The following INPP5D variants were observed in gnomAD, a reference collection of about 807,000 sequenced individuals.
INPP5D encodes the protein inositol polyphosphate-5-phosphatase D.
Under a neutral mutation model 122.9 loss-of-function variants are expected in INPP5D, and 33 were observed. The observed-to-expected ratio is 0.27, with a 90% CI of 0.20 to 0.36. INPP5D has a LOEUF of 0.36. INPP5D is among the 10% of genes least tolerant of loss of function. The pLI is 1.00. For synonymous variants in INPP5D, 584 were observed against 576.2 expected (o/e 1.01, Z -0.19); for missense variants, 1,053 against 1,412.7 (o/e 0.75, Z 4.08).
At chr2:233,114,597 C>A (rs1174299859) in intron 2 of INPP5D, among the ~76,000 whole-genome samples, 1 of 152,182 alleles carries the variant, frequency 6.6e-6, no homozygotes, top group African/African-American at 2.4e-5. Flanking sequence ...CCTCACTCAG[C>A]CTTGGGACGT....
At chr2:233,166,707 G>A (rs191211086) in intron 13 of INPP5D, among the ~76,000 whole-genome samples, 51 of 152,356 alleles carry the variant, frequency 3.3e-4, no homozygotes, top group East Asian at 3.1e-3. Flanking sequence ...AATGCTGGTC[G>A]GTGTGGTAGG....
chr2:233,129,691 T>C (rs1187557882), intron 4 of INPP5D, among the ~76,000 whole-genome samples: 1 of 152,198 alleles, frequency 6.6e-6, no homozygotes, highest in East Asian at 1.9e-4. Context: ...CCACAGAGCC[T>C]GAGATGAATC....
chr2:233,089,527 A>G (rs759429314), intron 2 of INPP5D, among the ~76,000 whole-genome samples: 3 of 152,152 alleles, frequency 2.0e-5, no homozygotes, highest in Non-Finnish European at 2.9e-5. Context: ...TGTTTCTCCA[A>G]CCACTGGAGG....
rs749134502 is a variant in INPP5D at position 233,198,337 on chromosome 2, C to G, written c.2936C>G (p.Thr979Arg). The change falls in exon 25 of 27, where the codon ACA becomes AGA. Residue 979 changes from threonine to arginine, a missense_variant. Coordinates refer to ENST00000445964, the MANE Select transcript of INPP5D (RefSeq NM_001017915.3). Reference protein sequence around the residue: ...PISPKKFLPSTANRGLPPRTQ... With the variant: ...PISPKKFLPSRANRGLPPRTQ... The stretch of plus-strand genomic sequence containing the variant: ...TCACCCAAGAAGTTTTTACCCTCAA[C>G]AGCAAACCGGGGTCTCCCTCCCAGG... The G allele has an allele frequency of 6.2e-7, 1 of 1,613,632 alleles. No homozygotes were observed. The highest frequency in any genetic ancestry group is 8.5e-7 in the Non-Finnish European group (1 of 1,179,804).
At chr2:233,181,645 C>T (rs1694787587) in intron 18 of INPP5D, among the ~76,000 whole-genome samples, 1 of 152,214 alleles carries the variant, frequency 6.6e-6, no homozygotes, top group African/African-American at 2.4e-5. Context: ...CTCACCCGAG[C>T]ACCAAGCTCC....
intron 2 of INPP5D, among the ~76,000 whole-genome samples, chr2:233,085,289 G>C (rs1313487384): frequency 1.3e-5 from 2 of 152,072 alleles, no homozygotes; most frequent in African/African-American, 4.8e-5. Context: ...CGGAGGCTGA[G>C]GTGGGAGGAT....
At chr2:233,166,143 G>A (rs902569137) in intron 13 of INPP5D, among the ~76,000 whole-genome samples, 5 of 152,122 alleles carry the variant, frequency 3.3e-5, no homozygotes, top group Admixed American at 1.3e-4. Context: ...TCCTGGCTGC[G>A]CCCACGCCCT....
chr2:233,178,506 G>A (rs185574306), intron 18 of INPP5D, among the ~76,000 whole-genome samples: 15 of 135,722 alleles, frequency 1.1e-4, no homozygotes, highest in Admixed American at 4.3e-4. Flanking sequence ...TTATTGAGAC[G>A]GAGTCTCTCT....
At chr2:233,087,329 A>T (rs1374758388) in intron 2 of INPP5D, among the ~76,000 whole-genome samples, 1 of 151,312 alleles carries the variant, frequency 6.6e-6, no homozygotes, top group African/African-American at 2.4e-5. Context: ...TTATTTATTT[A>T]TTTATTTTTT....
chr2:233,140,985 G>A (rs1693620597), intron 6 of INPP5D: 1 of 152,226 alleles, frequency 6.6e-6, no homozygotes, highest in Non-Finnish European at 1.5e-5. Flanking sequence ...TTAGTAACTG[G>A]GAAATGACAT....
chr2:233,067,380 T>C (rs6704675), intron 1 of INPP5D, among the ~76,000 whole-genome samples: 8,029 of 152,268 alleles, frequency 0.053, 548 homozygotes, highest in African/African-American at 0.16. Flanking sequence ...GAATCACTCC[T>C]CTCCAGGGCT....
Position 233,196,238 on chromosome 2 carries a change from G to A in INPP5D, c.2693+743G>A, listed in dbSNP as rs114129130. ...GAGAAAGAAGCTCCAGCCCAGGAGAGGTGCTCTCCTGCCTCCTCTGCGAGT... is the reference window on the plus strand; with the variant it reads ...GAGAAAGAAGCTCCAGCCCAGGAGAAGTGCTCTCCTGCCTCCTCTGCGAGT... On this transcript the variant is annotated intron_variant, in intron 24 of 26. Coordinates refer to ENST00000445964, the MANE Select transcript of INPP5D (RefSeq NM_001017915.3). 7.0e-3 allele frequency among the ~76,000 whole-genome samples: 1,063 copies of A among 152,310 alleles called. 14 individuals carry two copies. Among genetic ancestry groups the A allele is most frequent in the African/African-American group, 0.025 (1,019 of 41,554 alleles).
intron 25 of INPP5D, among the ~76,000 whole-genome samples, chr2:233,202,060 A>G (rs956188895): frequency 2.0e-5 from 3 of 149,526 alleles, no homozygotes; most frequent in Middle Eastern, 3.4e-3. Flanking sequence ...CCTGGTCTCT[A>G]TCTCACTGCT....
chr2:233,071,969 G>A (rs1691393724), intron 1 of INPP5D, among the ~76,000 whole-genome samples: 1 of 152,126 alleles, frequency 6.6e-6, no homozygotes, highest in African/African-American at 2.4e-5. Context: ...GTTTTGTGGT[G>A]TACTTTCCAA....
intron 2 of INPP5D, among the ~76,000 whole-genome samples, chr2:233,099,959 T>C (rs1692259769): frequency 6.6e-6 from 1 of 152,188 alleles, no homozygotes; most frequent in African/African-American, 2.4e-5. Flanking sequence ...AAGAATGAGC[T>C]TGTGCAGTCA....
intron 2 of INPP5D, among the ~76,000 whole-genome samples, chr2:233,109,471 G>A (rs1336383239): frequency 6.6e-6 from 1 of 152,162 alleles, no homozygotes; most frequent in Non-Finnish European, 1.5e-5. Context: ...GTGTTTCCAT[G>A]GTATTTGTAG....
chr2:233,127,671 C>A (rs199573251), intron 4 of INPP5D, among the ~76,000 whole-genome samples: 2 of 152,194 alleles, frequency 1.3e-5, no homozygotes, highest in East Asian at 3.9e-4. Context: ...TGCAAAGGCA[C>A]GATCTCAGCT....
intron 2 of INPP5D, among the ~76,000 whole-genome samples, chr2:233,087,478 C>T (rs1691883834): frequency 6.6e-6 from 1 of 152,074 alleles, no homozygotes; most frequent in East Asian, 1.9e-4. Flanking sequence ...AGGCACATGC[C>T]ACCACACCCA....
intron 17 of INPP5D, among the ~76,000 whole-genome samples, chr2:233,176,645 G>A: frequency 1.5e-5 from 2 of 133,712 alleles, no homozygotes; most frequent in African/African-American, 2.9e-5. Context: ...GCTAGTCGGT[G>A]GGTGGATGGA....
Sources: allele counts gnomAD v4.1 joint callset (sites outside exome capture counted in the v4.1 genomes callset), GRCh38; gene constraint gnomAD v4.1.1; transcripts MANE v1.5; gene names NCBI Gene and HGNC (gene_info 2026-07-23, HGNC 2026-07-21).